The following SLC39A11 variants were observed in gnomAD, a reference collection of about 807,000 sequenced individuals.
The protein encoded by SLC39A11 is solute carrier family 39 member 11, also known as zinc transporter ZIP11.
SLC39A11 carries 33 observed loss-of-function variants against 36.1 expected under a neutral mutation model. The ratio of observed to expected loss-of-function variants is 0.91; its 90% CI spans 0.69 to 1.22. The LOEUF is 1.22. Among genes scored for constraint, SLC39A11 ranks in the 50% most tolerant of loss-of-function variants. SLC39A11 has a pLI of 0.00. For missense variants in SLC39A11, 432 were observed against 430.3 expected (o/e 1.00, Z -0.03); for synonymous variants, 166 against 170.3 (o/e 0.97, Z 0.20).
chr17:72,761,591 C>A (rs1280669274), intron 6 of SLC39A11, among the ~76,000 whole-genome samples: 7 of 152,172 alleles, frequency 4.6e-5, no homozygotes, highest in African/African-American at 1.7e-4. Flanking sequence ...GGTGGAGATA[C>A]AATCAATGTC....
intron 5 of SLC39A11, among the ~76,000 whole-genome samples, chr17:72,852,563 A>C (rs1307217878): frequency 2.0e-5 from 3 of 152,180 alleles, no homozygotes; most frequent in African/African-American, 7.2e-5. Flanking sequence ...CACCATGTGT[A>C]TGCATGTACG....
chr17:73,037,587 C>G (rs149559899), intron 3 of SLC39A11, among the ~76,000 whole-genome samples: 3 of 152,238 alleles, frequency 2.0e-5, no homozygotes, highest in Non-Finnish European at 4.4e-5. Context: ...GCTGTGACCC[C>G]GCCTGTAAAG....
chr17:72,975,172 C>T (rs1359624309), intron 4 of SLC39A11, among the ~76,000 whole-genome samples: 1 of 152,166 alleles, frequency 6.6e-6, no homozygotes, highest in East Asian at 1.9e-4. Flanking sequence ...CAGGCGGTGG[C>T]TCACACCTGG....
chr17:72,669,899 CAT>C (rs1052785969), intron 7 of SLC39A11, among the ~76,000 whole-genome samples: 28 of 148,486 alleles, frequency 1.9e-4, no homozygotes, highest in African/African-American at 6.6e-4. Context: ...TGTATATACA[CAT>C]ATATATACGT....
chr17:72,920,693 A>ACACCTAC (rs71154929), intron 5 of SLC39A11, among the ~76,000 whole-genome samples: 40,174 of 121,214 alleles, frequency 0.33, 7,869 homozygotes, highest in East Asian at 0.46. Flanking sequence ...CCCCCTTACA[A>ACACCTAC]CACCTACACC....
chr17:72,817,516 G>A (rs2077623850), intron 6 of SLC39A11, among the ~76,000 whole-genome samples: 1 of 152,040 alleles, frequency 6.6e-6, no homozygotes, highest in Admixed American at 6.6e-5. Context: ...CTCCAACAAT[G>A]AAACTTCAGT....
intron 4 of SLC39A11, among the ~76,000 whole-genome samples, chr17:73,016,822 T>G (rs777964762): frequency 1.3e-5 from 2 of 152,238 alleles, no homozygotes; most frequent in Non-Finnish European, 2.9e-5. Flanking sequence ...GTTCCCTGAA[T>G]CAGCCAGTGT....
Position 73,026,200 on chromosome 17 carries a change from G to GGAAGA in SLC39A11, c.306+5351_306+5355dup, listed in dbSNP as rs763842495. Among the ~76,000 whole-genome samples, 559 of 127,032 alleles carry GGAAGA rather than the reference G, an allele frequency of 4.4e-3. 8 individuals are homozygous for GGAAGA. Among genetic ancestry groups the GGAAGA allele is most frequent in the African/African-American group, 0.016 (540 of 33,844 alleles). 83.3% of individuals were successfully genotyped at this position (127,032 alleles called of 152,430 possible). A position where few individuals can be genotyped will look rare whatever the true frequency, so the allele number is the denominator to read the frequency against. On this transcript the variant is annotated intron_variant, in intron 4 of 9. Transcript: ENST00000255559. ...GGAGAAAGAGAAGAGAGAAGAGAAG[G>GGAAGA]GAAGAGAAGAGAAGAGAAGAGAAGA...
At chr17:72,685,896 C>T (rs931637942) in intron 7 of SLC39A11, among the ~76,000 whole-genome samples, 4 of 151,924 alleles carry the variant, frequency 2.6e-5, no homozygotes, top group Admixed American at 6.6e-5. Flanking sequence ...ATTAGCCAGG[C>T]GTGGTGGTAT....
At chr17:73,005,369 CTGATA>C (rs1201819733) in intron 4 of SLC39A11, among the ~76,000 whole-genome samples, 1 of 152,178 alleles carries the variant, frequency 6.6e-6, no homozygotes, top group Non-Finnish European at 1.5e-5. Flanking sequence ...TCCACAGTTC[CTGATA>C]TAAGGGAACT....
At chr17:72,963,369 A>G (rs1256263136) in intron 4 of SLC39A11, among the ~76,000 whole-genome samples, 3 of 151,560 alleles carry the variant, frequency 2.0e-5, no homozygotes. Context: ...ACGGGGTTTC[A>G]CCGTGTTAGC....
chr17:72,821,151 G>A (rs2077762751), intron 6 of SLC39A11, among the ~76,000 whole-genome samples: 1 of 150,564 alleles, frequency 6.6e-6, no homozygotes, highest in South Asian at 2.1e-4. Flanking sequence ...ACGTTAGAAT[G>A]AGATCATCAT....
In SLC39A11 at chr17:72,672,066, G is replaced by A. The variant is rs2071047415; in HGVS notation, c.672-22798C>T. Among the ~76,000 whole-genome samples the A allele has an allele frequency of 3.3e-5, 5 of 150,230 alleles. No homozygotes were observed. In the South Asian group the frequency reaches 8.4e-4, roughly 25 times the overall value. On this transcript the variant is annotated intron_variant, in intron 7 of 9. Transcript: ENST00000255559. ...ACACAAACACACACACACACAGATG[G>A]TAACTATGTGAGTTGATGGATATGC...
At chr17:72,870,157 T>C (rs1050930369) in intron 5 of SLC39A11, among the ~76,000 whole-genome samples, 1 of 151,924 alleles carries the variant, frequency 6.6e-6, no homozygotes, top group Non-Finnish European at 1.5e-5. Flanking sequence ...TTAAGGTGAG[T>C]CTAATGTGCG....
chr17:72,837,979 G>T, intron 6 of SLC39A11: 1 of 1,231,178 alleles, frequency 8.1e-7, no homozygotes, highest in Non-Finnish European at 1.0e-6. Context: ...ACAGGGTGAT[G>T]AGAGTATTCA....
intron 7 of SLC39A11, chr17:72,725,485 G>A (rs2073886993): frequency 6.6e-6 from 1 of 152,184 alleles, no homozygotes; most frequent in South Asian, 2.1e-4. Flanking sequence ...CCAAAGCAAA[G>A]TTGGACATGT....
chr17:72,647,960 T>C (rs1396257972), intron 9 of SLC39A11, among the ~76,000 whole-genome samples: 1 of 152,090 alleles, frequency 6.6e-6, no homozygotes, highest in East Asian at 1.9e-4. Context: ...GTGTGAGTAA[T>C]GAAGAGGGGT....
chr17:72,797,366 A>G (rs975707553), intron 6 of SLC39A11, among the ~76,000 whole-genome samples: 1 of 152,068 alleles, frequency 6.6e-6, no homozygotes, highest in Non-Finnish European at 1.5e-5. Context: ...AACACTGACT[A>G]AGATAAGGAA....
intron 5 of SLC39A11, among the ~76,000 whole-genome samples, chr17:72,869,021 T>C (rs2080465967): frequency 6.6e-6 from 1 of 152,204 alleles, no homozygotes. Context: ...ACAGGGAGGT[T>C]AGCCAGGTAG....
Sources: allele counts gnomAD v4.1 joint callset (sites outside exome capture counted in the v4.1 genomes callset), GRCh38; gene constraint gnomAD v4.1.1; transcripts MANE v1.5; gene names NCBI Gene and HGNC (gene_info 2026-07-23, HGNC 2026-07-21).